The following PAX2 variants were observed in gnomAD, a reference collection of about 807,000 sequenced individuals.
The protein encoded by PAX2 is paired box protein Pax-2.
In PAX2, 9 loss-of-function variants were observed where a neutral mutation model predicts 41.7. The ratio of observed to expected loss-of-function variants is 0.22; its 90% CI spans 0.13 to 0.38. PAX2 has a LOEUF of 0.38. Among genes scored for constraint, PAX2 ranks in the 10% least tolerant of loss-of-function variants. PAX2 has a pLI of 1.00. For synonymous variants in PAX2, 221 were observed against 212.7 expected (o/e 1.04, Z -0.34); for missense variants, 418 against 531.6 (o/e 0.79, Z 2.10).
upstream of PAX2, among the ~76,000 whole-genome samples, chr10:100,741,600 G>A (rs902224573): frequency 3.3e-5 from 5 of 152,270 alleles, no homozygotes; most frequent in Admixed American, 2.0e-4. Context: ...GCCCTGGGGT[G>A]CGCCGGGACC....
chr10:100,753,708 C>T (rs1845530876), intron 3 of PAX2, among the ~76,000 whole-genome samples: 1 of 152,068 alleles, frequency 6.6e-6, no homozygotes, highest in African/African-American at 2.4e-5. Flanking sequence ...TTTTCATCTT[C>T]TCCTTCCCAA....
intron 3 of PAX2, among the ~76,000 whole-genome samples, chr10:100,775,811 A>G (rs1306990582): frequency 1.3e-5 from 2 of 152,218 alleles, no homozygotes; most frequent in Admixed American, 1.3e-4. Flanking sequence ...CTTTTCTTGT[A>G]GATGATTGTA....
rs1845140747 is a variant in PAX2, at chr10:100,745,817, C to T, written c.-444C>T. ...CAACTCGCCAGCACTTGGAGAGGCC[C>T]GGCTCCCCTCCCGGCGCCCTCTGAC... On this transcript the variant is annotated 5_prime_UTR_variant, in exon 1 of 10. Coordinates refer to ENST00000355243, the MANE Select transcript of PAX2 (RefSeq NM_000278.5). The T allele has an allele frequency of 2.7e-6, 3 of 1,096,348 alleles. No homozygotes were observed. Among genetic ancestry groups the T allele is most frequent in the African/African-American group, 1.6e-5 (1 of 61,148 alleles). 67.9% of individuals were successfully genotyped at this position (1,096,348 alleles called of 1,614,324 possible).
intron 7 of PAX2, among the ~76,000 whole-genome samples, chr10:100,809,668 G>C (rs1045012632): frequency 1.3e-5 from 2 of 152,190 alleles, no homozygotes; most frequent in Non-Finnish European, 2.9e-5. Flanking sequence ...CCCGCTTACC[G>C]CTCCCTCCAG....
At chr10:100,819,585 T>C (rs1361156970) in intron 7 of PAX2, among the ~76,000 whole-genome samples, 1 of 151,794 alleles carries the variant, frequency 6.6e-6, no homozygotes, top group Non-Finnish European at 1.5e-5. Flanking sequence ...AAAATAAAAA[T>C]AAAAATAAAA....
chr10:100,773,364 ACTC>A (rs1310855755), intron 3 of PAX2, among the ~76,000 whole-genome samples: 26 of 152,042 alleles, frequency 1.7e-4, no homozygotes, highest in African/African-American at 6.0e-4. Context: ...CTGCCACCTC[ACTC>A]CTCCCAAGGT....
At chr10:100,809,500 C>G (rs999856647) in intron 7 of PAX2, among the ~76,000 whole-genome samples, 1 of 152,230 alleles carries the variant, frequency 6.6e-6, no homozygotes, top group African/African-American at 2.4e-5. Context: ...TCCTTCGCCT[C>G]TCCCTTTGTC....
intron 4 of PAX2, among the ~76,000 whole-genome samples, chr10:100,780,848 T>A (rs933751204): frequency 1.3e-5 from 2 of 152,168 alleles, no homozygotes; most frequent in Non-Finnish European, 2.9e-5. Flanking sequence ...GGATGAGCTG[T>A]GCAAGGGGGT....
intron 5 of PAX2, among the ~76,000 whole-genome samples, chr10:100,798,104 CT>C (rs11314855): frequency 0.47 from 40,117 of 86,236 alleles, 9,867 homozygotes; most frequent in East Asian, 0.82. Context: ...ATGTCCACCT[CT>C]TTTTTTTTTT....
At chr10:100,825,305 C>T (rs1409381647) in intron 8 of PAX2, among the ~76,000 whole-genome samples, 1 of 152,128 alleles carries the variant, frequency 6.6e-6, no homozygotes, top group Admixed American at 6.5e-5. Flanking sequence ...CAGGGAGAGT[C>T]GCTGCAGTGA....
chr10:100,794,006 A>C (rs575299055), intron 5 of PAX2, among the ~76,000 whole-genome samples: 3 of 152,178 alleles, frequency 2.0e-5, no homozygotes, highest in Admixed American at 2.0e-4. Flanking sequence ...AAGGGCAAGC[A>C]GGAAATGGGG....
intron 3 of PAX2, among the ~76,000 whole-genome samples, chr10:100,755,701 G>A (rs1048744876): frequency 6.6e-6 from 1 of 152,156 alleles, no homozygotes; most frequent in East Asian, 1.9e-4. Context: ...TTCGATGGGA[G>A]CCCAGGAAGG....
At chr10:100,741,532 G>T (rs535649289), upstream of PAX2, among the ~76,000 whole-genome samples, 48 of 152,188 alleles carry the variant, frequency 3.2e-4, no homozygotes, top group Non-Finnish European at 4.3e-4. Flanking sequence ...AGGCCTTTCT[G>T]CGGAAGGGGC....
At position 100,745,645 on chromosome 10, in the gene PAX2, C is replaced by G; in HGVS notation, c.-616C>G. 1.6e-6 allele frequency: 1 copy of G among 623,434 alleles called. No individual in the cohort carries two copies. The highest frequency in any genetic ancestry group is 2.0e-6 in the Non-Finnish European group (1 of 489,100). The allele number at this position is 623,434 out of a possible 1,614,324, so 38.6% of individuals were successfully genotyped here. ...GGGGCCAGCCCAGAGCTGCCAGCGC[C>G]GCTCGGCTCCCTCCCTCCCTCCCGG... On this transcript the variant is annotated 5_prime_UTR_variant, in exon 1 of 10. Transcript: ENST00000355243.
intron 5 of PAX2, among the ~76,000 whole-genome samples, chr10:100,801,946 T>C (rs568839017): frequency 6.6e-6 from 1 of 152,358 alleles, no homozygotes; most frequent in South Asian, 2.1e-4. Context: ...ATGGTTATCA[T>C]AGTAGTTCCC....
rs533679661 is a variant in PAX2, at chr10:100,787,542, G to C, written c.616+6177G>C. 1.1e-4 allele frequency among the ~76,000 whole-genome samples: 17 copies of C among 152,220 alleles called. 1 individual carries two copies. In the South Asian group the frequency reaches 3.5e-3, roughly 32 times the overall value. ...GCTCTTGGCAAGGTGAAAGAAAATT[G>C]CATATTCAATCTCCATCCATGAATC... On this transcript the variant is annotated intron_variant, in intron 5 of 9. Transcript: ENST00000355243.
intron 7 of PAX2, among the ~76,000 whole-genome samples, chr10:100,814,439 T>C (rs926008995): frequency 2.0e-5 from 3 of 148,864 alleles, no homozygotes; most frequent in African/African-American, 7.4e-5. Context: ...TTCCCACCAC[T>C]GCTCACCAAA....
chr10:100,766,656 T>G (rs1259585368), intron 3 of PAX2, among the ~76,000 whole-genome samples: 3 of 152,192 alleles, frequency 2.0e-5, no homozygotes, highest in African/African-American at 7.2e-5. Context: ...AGAATCGTAT[T>G]TTTGGTTATC....
Position 100,777,050 on chromosome 10 carries a change from A to G in PAX2, c.411-2448A>G, listed in dbSNP as rs114393320. ...GCAGGATGACAAAGTAACAAAAAGC[A>G]TAGATTTTAGAGGCTGCATTCTGAG... On this transcript the variant is annotated intron_variant, in intron 3 of 9. Transcript: ENST00000355243. 2.6e-3 allele frequency among the ~76,000 whole-genome samples: 389 copies of G among 151,648 alleles called. 1 individual carries two copies. Among genetic ancestry groups the G allele is most frequent in the African/African-American group, 8.7e-3 (358 of 41,298 alleles).
Sources: allele counts gnomAD v4.1 joint callset (sites outside exome capture counted in the v4.1 genomes callset), GRCh38; gene constraint gnomAD v4.1.1; transcripts MANE v1.5; gene names NCBI Gene and HGNC (gene_info 2026-07-23, HGNC 2026-07-21).